The following TRIM66 variants were observed in gnomAD, a reference collection of about 807,000 sequenced individuals.
TRIM66 encodes the protein tripartite motif-containing protein 66.
A neutral mutation model predicts 148.2 loss-of-function variants in TRIM66; 99 were observed. The observed-to-expected ratio is 0.67, with a 90% CI of 0.57 to 0.79. TRIM66 has a LOEUF of 0.79. TRIM66 is among the 30% of genes least tolerant of loss of function. TRIM66 has a pLI of 0.00. For missense variants in TRIM66, 1,666 were observed against 1,697.9 expected, an observed-to-expected ratio of 0.98 and a Z score of 0.33; for synonymous variants, 616 against 635.9, an observed-to-expected ratio of 0.97 and a Z score of 0.47.
intron 15 of TRIM66, among the ~76,000 whole-genome samples, chr11:8,627,122 G>A (rs2034926260): frequency 6.6e-6 from 1 of 152,194 alleles, no homozygotes; most frequent in South Asian, 2.1e-4. Context: ...GATATCATTT[G>A]ATTAATGTCT....
chr11:8,640,301 T>C lies in TRIM66; in HGVS notation c.2074A>G (p.Ile692Val). 1 of 1,551,708 alleles carries C rather than the reference T, an allele frequency of 6.4e-7. No individual in the cohort carries two copies. Among genetic ancestry groups the C allele is most frequent in the Non-Finnish European group, 8.7e-7 (1 of 1,147,004 alleles). ...ACGATGTAGTTGATCTGCCCCACAA[T>C]GGTTTGCTGAAGATGCTGAGGAGAT... Reference protein sequence around the residue: ...TKSPQHLQQTIVGQINYIVRQ... With the variant: ...TKSPQHLQQTVVGQINYIVRQ... The change falls in exon 14 of 25, where the codon ATT (isoleucine) becomes GTT (valine). Residue 692 changes from isoleucine (I) to valine (V), a missense_variant. By Grantham distance (29) the Ile-to-Val change is conservative. This residue lies in a region of TRIM66 where 1,431 missense variants were observed against 1,412.4 expected (regional missense o/e 1.01). Transcript: ENST00000646038.
At chr11:8,649,927 A>T (rs2037209332) in intron 7 of TRIM66, 40 bp from the exon 8 acceptor site, 2 of 1,534,800 alleles carry the variant, frequency 1.3e-6, no homozygotes. Flanking sequence ...TGTTATCCTC[A>T]TTTGTGTCTG....
chr11:8,645,996 A>G (rs1324723495), intron 11 of TRIM66, 109 bp from the exon 12 acceptor site: 1 of 1,107,542 alleles, frequency 9.0e-7, no homozygotes, highest in Non-Finnish European at 1.3e-6. Flanking sequence ...AGATGAGACT[A>G]CACCCCTGAG....
intron 18 of TRIM66, 44 bp from the exon 19 acceptor site, chr11:8,621,863 C>G (rs1338579971): frequency 6.8e-7 from 1 of 1,478,068 alleles, no homozygotes; most frequent in Admixed American, 2.6e-5. Context: ...GGATCCTCCT[C>G]TGGTCCCAAC....
At chr11:8,668,915 T>TA (rs552878603) in intron 6 of TRIM66, among the ~76,000 whole-genome samples, 181 of 152,246 alleles carry the variant, frequency 1.2e-3, no homozygotes, top group African/African-American at 4.1e-3. Flanking sequence ...GCAGCAAACT[T>TA]AGACATTGCA....
chr11:8,658,579 A>G (rs1262980806), intron 6 of TRIM66, among the ~76,000 whole-genome samples: 10 of 152,140 alleles, frequency 6.6e-5, no homozygotes. Context: ...CCCTGTTTAT[A>G]CGTAGGAAGA....
chr11:8,640,147 C>T (rs988095161), intron 14 of TRIM66, 80 bp downstream of exon 14: 40 of 1,373,320 alleles, frequency 2.9e-5, no homozygotes, highest in Non-Finnish European at 3.6e-5. Context: ...TCCTGTGCTG[C>T]CTTGTTTTTG....
chr11:8,627,821 G>GT (rs1307282780), intron 15 of TRIM66, among the ~76,000 whole-genome samples: 1 of 152,116 alleles, frequency 6.6e-6, no homozygotes, highest in Non-Finnish European at 1.5e-5. Flanking sequence ...TCCATGAATA[G>GT]TAAGTTTTTG....
upstream of TRIM66, chr11:8,683,134 C>A: frequency 6.7e-7 from 1 of 1,500,810 alleles, no homozygotes; most frequent in Non-Finnish European, 9.3e-7. Flanking sequence ...ACAGGACCAT[C>A]TCGGCTGGCG....
chr11:8,671,804 G>A lies in TRIM66; in HGVS notation c.322C>T (p.His108Tyr), dbSNP rs1486682402. 6.9e-7 allele frequency: 1 copy of A among 1,445,928 alleles called. No homozygotes were observed. The highest frequency in any genetic ancestry group is 2.0e-5 in the Admixed American group (1 of 50,882). The allele number at this position is 1,445,928 out of a possible 1,614,324, so 89.6% of individuals were successfully genotyped here. A position where few individuals can be genotyped will look rare whatever the true frequency, so the allele number is the denominator to read the frequency against. ...TACTTACCATCTGCAACAGTCTCATGAGCCTTGGCAATCTGCCCTAGCTCC... is the reference window on the plus strand; with the variant it reads ...TACTTACCATCTGCAACAGTCTCATAAGCCTTGGCAATCTGCCCTAGCTCC... ...IQELGQIAKA[H>Y]ETVADELISC... The change falls in exon 6 of 25, where the codon CAT becomes TAT. Residue 108 changes from histidine (H) to tyrosine (Y), a missense_variant. Physicochemically the swap from His to Tyr is moderately conservative, Grantham distance 83. Around this residue, in one of 3 missense-constraint regions of TRIM66, gnomAD observed 1,431 missense variants for 1,412.4 expected, o/e 1.01. Transcript: ENST00000646038.
rs917196086 is a variant in TRIM66 at position 8,617,803 on chromosome 11, C to T, written c.*141G>A. ...GGCTCCCAAATAAATGCTGTAGATG[C>T]AAATGGCAAAGAAGAGCACTACACA... On this transcript the variant is annotated 3_prime_UTR_variant, in exon 25 of 25. Transcript: ENST00000646038. 26 of 752,716 alleles carry T rather than the reference C, an allele frequency of 3.5e-5. No individual in the cohort carries two copies. The highest frequency in any genetic ancestry group is 2.3e-4 in the Middle Eastern group (1 of 4,280). The allele number at this position is 752,716 out of a possible 1,614,324, so 46.6% of individuals were successfully genotyped here.
chr11:8,641,901 T>C (rs1265541597), intron 13 of TRIM66, among the ~76,000 whole-genome samples: 1 of 152,152 alleles, frequency 6.6e-6, no homozygotes, highest in Non-Finnish European at 1.5e-5. Context: ...TCACCTTCTG[T>C]CATGATTGTA....
At chr11:8,657,523 C>G (rs1044697750) in intron 6 of TRIM66, among the ~76,000 whole-genome samples, 1 of 152,090 alleles carries the variant, frequency 6.6e-6, no homozygotes, top group African/African-American at 2.4e-5. Flanking sequence ...ATAGGTGATA[C>G]CGTGAACTAC....
At chr11:8,641,845 C>A (rs1565520188) in intron 13 of TRIM66, among the ~76,000 whole-genome samples, 1 of 152,030 alleles carries the variant, frequency 6.6e-6, no homozygotes, top group Non-Finnish European at 1.5e-5. Context: ...TGTAACACCT[C>A]CCCCTTGCTC....
rs2033490350 is a variant in TRIM66, at chr11:8,612,995, C to T, written c.*4949G>A. Reference sequence around the variant, plus strand: ...TCTCTTAGCAAACAGGCTAAAACCTCTGTGTTGTCTGGGAGAGACAGAGGG... The same window carrying T: ...TCTCTTAGCAAACAGGCTAAAACCTTTGTGTTGTCTGGGAGAGACAGAGGG... On this transcript the variant is annotated 3_prime_UTR_variant, in exon 25 of 25. Coordinates refer to ENST00000646038, the MANE Select transcript of TRIM66 (RefSeq NM_001388022.1). 6.6e-6 allele frequency: 1 copy of T among 152,204 alleles called. No individual in the cohort carries two copies. The highest frequency in any genetic ancestry group is 6.5e-5 in the Admixed American group (1 of 15,280). The allele number at this position is 152,204 out of a possible 1,614,324, so 9.4% of individuals were successfully genotyped here.
chr11:8,666,631 CA>C (rs773842467), intron 6 of TRIM66, among the ~76,000 whole-genome samples: 7 of 152,062 alleles, frequency 4.6e-5, no homozygotes, highest in Non-Finnish European at 7.4e-5. Flanking sequence ...CCCCATTTTA[CA>C]GGCAAAAAAA....
intron 6 of TRIM66, among the ~76,000 whole-genome samples, chr11:8,664,688 TATTG>T (rs1479297052): frequency 1.3e-5 from 2 of 152,188 alleles, no homozygotes; most frequent in African/African-American, 2.4e-5. Context: ...ACCCAGGCTT[TATTG>T]ATTAAGTCAT....
intron 15 of TRIM66, among the ~76,000 whole-genome samples, chr11:8,629,036 A>C (rs1378755023): frequency 6.6e-6 from 1 of 152,206 alleles, no homozygotes; most frequent in Non-Finnish European, 1.5e-5. Flanking sequence ...CTGAGTGCCA[A>C]GACAAGAAGG....
Position 8,621,199 on chromosome 11 carries a change from G to C in TRIM66, c.3378C>G (p.His1126Gln), listed in dbSNP as rs1420338593. 3 of 1,551,612 alleles carry C rather than the reference G, an allele frequency of 1.9e-6. No individual in the cohort carries two copies. The highest frequency in any genetic ancestry group is 2.6e-6 in the Non-Finnish European group (3 of 1,146,998). Reference protein sequence around the residue: ...PEVEGTSPEEHRLIPRTPGAK... With the variant: ...PEVEGTSPEEQRLIPRTPGAK... ...CTCCTGGGGTTCGAGGAATGAGTCT[G>C]TGTTCTTCAGGAGATGTGCCCTCCA... The change falls in exon 20 of 25, where the codon CAC (histidine) becomes CAG (glutamine). Residue 1126 changes from histidine (H) to glutamine (Q), a missense_variant. Physicochemically the swap from His to Gln is conservative, Grantham distance 24 (BLOSUM62 0). This residue lies in a region of TRIM66 where 1,431 missense variants were observed against 1,412.4 expected (regional missense o/e 1.01). Coordinates refer to ENST00000646038, the MANE Select transcript of TRIM66 (RefSeq NM_001388022.1).
Sources: allele counts gnomAD v4.1 joint callset (sites outside exome capture counted in the v4.1 genomes callset), GRCh38; gene constraint gnomAD v4.1.1; regional missense constraint gnomAD v4.1.1; transcripts MANE v1.5; gene names NCBI Gene and HGNC (gene_info 2026-07-23, HGNC 2026-07-21).